UBE3B: variants seen among roughly 807,000 people sequenced by gnomAD.
The protein encoded by UBE3B is ubiquitin protein ligase E3B.
In UBE3B, 80 loss-of-function variants were observed where a neutral mutation model predicts 132.3. The ratio of observed to expected loss-of-function variants is 0.60; its 90% CI spans 0.50 to 0.73. The LOEUF (loss-of-function observed/expected upper bound fraction) is 0.73, where lower values mean the gene tolerates loss of function less well. Among genes scored for constraint, UBE3B ranks in the 30% least tolerant of loss-of-function variants. The pLI, the probability that UBE3B is intolerant of heterozygous loss-of-function variation, is 0.00. For synonymous variants in UBE3B, 487 were observed against 520.4 expected, an observed-to-expected ratio of 0.94 and a Z score of 0.87; for missense variants, 1,196 against 1,362.5, an observed-to-expected ratio of 0.88 and a Z score of 1.92.
At chr12:109,505,734 C>G (rs138753953) in intron 14 of UBE3B, among the ~76,000 whole-genome samples, 4 of 152,196 alleles carry the variant, frequency 2.6e-5, no homozygotes, top group African/African-American at 4.8e-5. Flanking sequence ...TAAATTGATA[C>G]AATTCTTGGC....
the UBE3B span, among the ~76,000 whole-genome samples, chr12:109,547,401 C>T: frequency 4.6e-5 from 7 of 152,382 alleles, no homozygotes; most frequent in African/African-American, 7.2e-5. This position sits in a 1 kb window ranked among gnomAD's most constrained non-coding sequence, Gnocchi z 4.1. Context: ...CAGGCATCAT[C>T]GAGTTCCATC....
At chr12:109,517,558 T>C (rs1566103654) in intron 19 of UBE3B, among the ~76,000 whole-genome samples, 1 of 152,208 alleles carries the variant, frequency 6.6e-6, no homozygotes, top group Non-Finnish European at 1.5e-5. Context: ...CTTAACTACC[T>C]ACGATGTCTG....
At chr12:109,546,734 C>G in the UBE3B span, among the ~76,000 whole-genome samples, 1 of 152,202 alleles carries the variant, frequency 6.6e-6, no homozygotes, top group Non-Finnish European at 1.5e-5. Context: ...GTTCTTGAGA[C>G]TGAGTCTCAT....
chr12:109,491,356 G>A, intron 9 of UBE3B: 1 of 388,114 alleles, frequency 2.6e-6, no homozygotes, highest in Non-Finnish European at 4.6e-6. Flanking sequence ...ATTGCAGTGT[G>A]ATCTTTGGAA....
chr12:109,542,814 G>A, the UBE3B span, among the ~76,000 whole-genome samples: 27,506 of 152,238 alleles, frequency 0.18, 2,701 homozygotes, highest in Middle Eastern at 0.25. Flanking sequence ...AGACTTAACA[G>A]CTTCTAGAAT....
chr12:109,528,481 A>G (rs572905203), intron 24 of UBE3B: 28 of 985,370 alleles, frequency 2.8e-5, no homozygotes, highest in Middle Eastern at 1.0e-3. Flanking sequence ...TTAGCATTGT[A>G]AAACATTTAT....
intron 19 of UBE3B, among the ~76,000 whole-genome samples, chr12:109,519,303 C>T (rs879543782): frequency 7.9e-5 from 12 of 152,320 alleles, no homozygotes; most frequent in East Asian, 7.7e-4. Context: ...AGAAGAGGAA[C>T]GCTGACTCAC....
Position 109,534,791 on chromosome 12 carries a change from C to T in UBE3B, c.*9C>T, listed in dbSNP as rs370585220. On this transcript the variant is annotated 3_prime_UTR_variant, in exon 28 of 28. Transcript: ENST00000342494. The surrounding 1 kb of genome is among the most constrained non-coding windows in gnomAD (Gnocchi z 5.2). ...GCTTTGAACTCTCCTAGCTCCTGTCCCAGCCCTGCCTCCAGGGCTCCTGGG... is the reference window on the plus strand; with the variant it reads ...GCTTTGAACTCTCCTAGCTCCTGTCTCAGCCCTGCCTCCAGGGCTCCTGGG... 23 of 1,496,608 alleles carry T rather than the reference C, an allele frequency of 1.5e-5. No homozygotes were observed. Among genetic ancestry groups the T allele is most frequent in the African/African-American group, 2.9e-5 (2 of 70,000 alleles). The allele number at this position is 1,496,608 out of a possible 1,614,324, so 92.7% of individuals were successfully genotyped here.
At chr12:109,490,374 G>A (rs1341479770) in intron 8 of UBE3B, 2 of 1,493,030 alleles carry the variant, frequency 1.3e-6, no homozygotes, top group East Asian at 2.5e-5. Context: ...TTTGTACCTT[G>A]TTGTGCCAGA....
At chr12:109,539,343 C>T (rs561150587), downstream of UBE3B, among the ~76,000 whole-genome samples, 4 of 152,344 alleles carry the variant, frequency 2.6e-5, no homozygotes, top group South Asian at 2.1e-4. Context: ...CTTTGCTTCA[C>T]GGCAGTCATC....
chr12:109,511,462 A>G, intron 18 of UBE3B, 159 bp downstream of exon 18: 1 of 675,972 alleles, frequency 1.5e-6, no homozygotes, highest in Non-Finnish European at 2.5e-6. Context: ...GGTTACACCC[A>G]GTGCTGGGGT....
At chr12:109,544,911 C>T in the UBE3B span, among the ~76,000 whole-genome samples, 1 of 152,190 alleles carries the variant, frequency 6.6e-6, no homozygotes, top group Non-Finnish European at 1.5e-5. Flanking sequence ...CATCTGTTAC[C>T]CACTTCCTCC....
At position 109,516,746 on chromosome 12, in the gene UBE3B, C is replaced by A; in HGVS notation, c.1957-19C>A. 6.2e-7 allele frequency: 1 copy of A among 1,606,044 alleles called. No individual in the cohort carries two copies. Among genetic ancestry groups the A allele is most frequent in the Non-Finnish European group, 8.5e-7 (1 of 1,174,250 alleles). ...AGTTTGCTGACCCTGTTTTCTGATC[C>A]CGCCTTTGTTCATTTTAGAGAGTTC... On this transcript the variant is annotated intron_variant, in intron 18 of 27. Coordinates refer to ENST00000342494, the MANE Select transcript of UBE3B (RefSeq NM_130466.4).
chr12:109,533,420 G>A (rs1252509724), intron 26 of UBE3B, 46 bp from the exon 27 acceptor site: 1 of 1,540,990 alleles, frequency 6.5e-7, no homozygotes, highest in African/African-American at 1.4e-5. Flanking sequence ...CGTCCTGGAA[G>A]AGCAGGAGCC....
At chr12:109,508,515 C>T (rs1289807543) in intron 15 of UBE3B, 5 of 985,140 alleles carry the variant, frequency 5.1e-6, no homozygotes, top group Non-Finnish European at 6.0e-6. Context: ...CTTTTCATTC[C>T]ACCTTTTCCC....
intron 8 of UBE3B, chr12:109,490,514 T>G (rs1188450076): frequency 6.5e-7 from 1 of 1,535,878 alleles, no homozygotes; most frequent in African/African-American, 1.4e-5. Context: ...GTTTCCTGAT[T>G]TGGTTTCATA....
At chr12:109,493,442 A>G (rs1383306710) in intron 9 of UBE3B, among the ~76,000 whole-genome samples, 1 of 152,244 alleles carries the variant, frequency 6.6e-6, no homozygotes, top group Non-Finnish European at 1.5e-5. Flanking sequence ...ATTCACCAAC[A>G]TGCTCACATC....
chr12:109,534,732 G>A lies in UBE3B; in HGVS notation c.3157G>A (p.Glu1053Lys), dbSNP rs370843966. 14 of 1,599,482 alleles carry A rather than the reference G, an allele frequency of 8.8e-6. No homozygotes were observed. Among genetic ancestry groups the A allele is most frequent in the Admixed American group, 1.7e-5 (1 of 58,398 alleles). ...PNYSKKSVLR[E>K]KLRYAISMNT... ...CTACAGCAAGAAGAGCGTCCTCCGC[G>A]AGAAGCTGCGCTACGCCATCAGCAT... is the stretch of plus-strand genomic sequence containing the variant. Residue 1053 changes from glutamate (E) to lysine (K), a missense_variant, in exon 28 of 28, where the codon GAG becomes AAG. Coordinates refer to ENST00000342494, the MANE Select transcript of UBE3B (RefSeq NM_130466.4). The surrounding 1 kb of genome is among the most constrained non-coding windows in gnomAD (Gnocchi z 5.2).
At chr12:109,508,189 C>A (rs1050351779) in intron 15 of UBE3B, among the ~76,000 whole-genome samples, 1 of 152,194 alleles carries the variant, frequency 6.6e-6, no homozygotes. Flanking sequence ...ATAGCACATA[C>A]CTTTTAGGCA....
Sources: gnomAD v4.1 joint callset for allele counts (sites outside exome capture counted in the v4.1 genomes callset) on GRCh38, gnomAD v4.1.1 for gene constraint, Gnocchi (gnomAD v3.1) non-coding constraint, MANE v1.5 for transcripts, NCBI Gene and HGNC (gene_info 2026-07-23, HGNC 2026-07-21) for gene names.